CALD1: variants seen among roughly 807,000 people sequenced by gnomAD.
The protein encoded by CALD1 is caldesmon.
A neutral mutation model predicts 99.9 loss-of-function variants in CALD1; 33 were observed. That is an observed-to-expected ratio of 0.33 (90% CI 0.25 to 0.44). The LOEUF (loss-of-function observed/expected upper bound fraction) is 0.44, where lower values mean the gene tolerates loss of function less well. CALD1 is among the 20% of genes least tolerant of loss of function. The pLI, the probability that CALD1 is intolerant of heterozygous loss-of-function variation, is 1.00. For missense variants in CALD1, 861 were observed against 962.1 expected (o/e 0.89, Z 1.39); for synonymous variants, 310 against 325.0 (o/e 0.95, Z 0.50).
chr7:134,776,134 A>G (rs957986773), upstream of CALD1, among the ~76,000 whole-genome samples: 6 of 152,004 alleles, frequency 3.9e-5, no homozygotes, highest in African/African-American at 1.4e-4. Context: ...TTTTCTATTT[A>G]TTTGTCTTGG....
At chr7:134,895,554 C>T (rs1802515066) in intron 3 of CALD1, among the ~76,000 whole-genome samples, 1 of 152,038 alleles carries the variant, frequency 6.6e-6, no homozygotes. Flanking sequence ...TTTTAAATCT[C>T]TTCTAATACC....
Position 134,935,704 on chromosome 7 carries a change from C to T in CALD1, c.1325C>T (p.Thr442Ile). The T allele has an allele frequency of 6.2e-7, 1 of 1,605,266 alleles. No individual in the cohort carries two copies. Among genetic ancestry groups the T allele is most frequent in the Non-Finnish European group, 8.5e-7 (1 of 1,176,316 alleles). The stretch of plus-strand genomic sequence containing the variant: ...AATAAAAAGGGAGAAGAGAAGGGAA[C>T]TAAAGTGCAAGCTAAAAGAGAAAAG... ...VLKKQGEEKG[T>I]KVQAKREKLQ... Residue 442 changes from threonine (T) to isoleucine (I), a missense_variant, in exon 6 of 15, where the codon ACT becomes ATT. Coordinates refer to ENST00000361675, the MANE Select transcript of CALD1 (RefSeq NM_033138.4).
chr7:134,897,374 CAA>C (rs1491399690), intron 3 of CALD1, among the ~76,000 whole-genome samples: 2 of 147,404 alleles, frequency 1.4e-5, no homozygotes, highest in Non-Finnish European at 3.0e-5. Flanking sequence ...TACCTATATA[CAA>C]TATATATATA....
chr7:134,922,567 A>G (rs866820434), intron 3 of CALD1, among the ~76,000 whole-genome samples: 2 of 152,242 alleles, frequency 1.3e-5, no homozygotes, highest in Non-Finnish European at 2.9e-5. Flanking sequence ...CCAGTGTTGC[A>G]GAAGTTTTGA....
the CALD1 span, among the ~76,000 whole-genome samples, chr7:134,721,477 T>A: frequency 1.3e-5 from 2 of 152,142 alleles, no homozygotes; most frequent in African/African-American, 4.8e-5. Context: ...GTTTCTACTA[T>A]AGTAGAACAG....
chr7:134,827,444 A>G lies in CALD1; in HGVS notation c.-129-16440A>G, dbSNP rs142626392. Among the ~76,000 whole-genome samples, 85 of 152,348 alleles carry G rather than the reference A, an allele frequency of 5.6e-4. No individual in the cohort carries two copies. The East Asian group carries it at 0.015, about 27-fold the overall frequency. ...TCCATACCAGGTTCTATACTGTTAT[A>G]CACGTTACCCCATTTCCCTCTCACA... On this transcript the variant is annotated intron_variant, in intron 1 of 14. Coordinates refer to ENST00000361675, the MANE Select transcript of CALD1 (RefSeq NM_033138.4).
chr7:134,928,940 C>T (rs754107735), intron 4 of CALD1, 40 bp downstream of exon 4: 1 of 1,543,542 alleles, frequency 6.5e-7, no homozygotes, highest in Non-Finnish European at 8.8e-7. Flanking sequence ...TAACTTGCGT[C>T]TTAGCCTGTC....
rs532991338 is a variant in CALD1 at position 134,871,134 on chromosome 7, T to G, written c.71+3330T>G. ...GCCATTTTCTCTGGGGTATTGGTGGTCACTTTAATTTTTTTCTCGCTTTTG... is the reference window on the plus strand; with the variant it reads ...GCCATTTTCTCTGGGGTATTGGTGGGCACTTTAATTTTTTTCTCGCTTTTG... On this transcript the variant is annotated intron_variant, in intron 3 of 14. Coordinates refer to ENST00000361675, the MANE Select transcript of CALD1 (RefSeq NM_033138.4). Among the ~76,000 whole-genome samples the G allele has an allele frequency of 1.2e-4, 19 of 152,318 alleles. No individual in the cohort carries two copies. In the East Asian group the frequency reaches 3.1e-3, roughly 25 times the overall value.
intron 1 of CALD1, among the ~76,000 whole-genome samples, chr7:134,839,710 A>C (rs1364483682): frequency 6.6e-6 from 1 of 151,844 alleles, no homozygotes; most frequent in Non-Finnish European, 1.5e-5. Context: ...TTTTGTTTTG[A>C]GACAAGGTCT....
chr7:134,812,583 T>TAA (rs55688126), intron 1 of CALD1, among the ~76,000 whole-genome samples: 130 of 143,848 alleles, frequency 9.0e-4, no homozygotes, highest in South Asian at 3.1e-3. Flanking sequence ...AAAGAATAGT[T>TAA]AAAAAAAAAA....
chr7:134,943,270 C>T lies in CALD1; in HGVS notation c.1532+2033C>T, dbSNP rs777063071. Among the ~76,000 whole-genome samples the T allele has an allele frequency of 1.6e-3, 246 of 150,874 alleles. 2 individuals carry two copies. The highest frequency in any genetic ancestry group is 0.014 in the Middle Eastern group (4 of 294). On this transcript the variant is annotated intron_variant, in intron 7 of 14. Coordinates refer to ENST00000361675, the MANE Select transcript of CALD1 (RefSeq NM_033138.4). ...GGCCTGATACTCATCTTGACTTACACCTAAGGAAGCCAAGGACGGGGGTAG... is the reference window on the plus strand; with the variant it reads ...GGCCTGATACTCATCTTGACTTACATCTAAGGAAGCCAAGGACGGGGGTAG...
intron 6 of CALD1, among the ~76,000 whole-genome samples, chr7:134,936,169 A>G (rs1389052177): frequency 6.6e-6 from 1 of 152,210 alleles, no homozygotes; most frequent in Non-Finnish European, 1.5e-5. Context: ...AATATTTCCA[A>G]CTGGCCTTGA....
At chr7:134,927,047 T>C (rs1281611401) in intron 3 of CALD1, among the ~76,000 whole-genome samples, 2 of 152,158 alleles carry the variant, frequency 1.3e-5, no homozygotes, top group African/African-American at 4.8e-5. Flanking sequence ...AAAAAGCAGC[T>C]TCCTACACAA....
At chr7:134,954,381 G>A (rs1369665892) in intron 9 of CALD1, among the ~76,000 whole-genome samples, 3 of 152,116 alleles carry the variant, frequency 2.0e-5, no homozygotes, top group African/African-American at 4.8e-5. Flanking sequence ...AAGTTTTATC[G>A]AGACAATACT....
chr7:134,955,167 G>A (rs1470355894), intron 9 of CALD1, among the ~76,000 whole-genome samples: 6 of 152,190 alleles, frequency 3.9e-5, no homozygotes, highest in African/African-American at 1.4e-4. Context: ...CAAGGTGGGC[G>A]AATCATGAGG....
At chr7:134,913,976 C>G (rs1445007987) in intron 3 of CALD1, among the ~76,000 whole-genome samples, 3 of 152,170 alleles carry the variant, frequency 2.0e-5, no homozygotes, top group African/African-American at 7.2e-5. Flanking sequence ...AGACCTGGGT[C>G]AATCCTGATT....
At chr7:134,894,994 AG>A (rs1802457384) in intron 3 of CALD1, among the ~76,000 whole-genome samples, 1 of 152,024 alleles carries the variant, frequency 6.6e-6, no homozygotes, top group Non-Finnish European at 1.5e-5. Context: ...CAAACATGGA[AG>A]GGTATGTAAA....
rs544389896 is a variant in CALD1 at position 134,792,959 on chromosome 7, C to G, written c.-130+13210C>G. On this transcript the variant is annotated intron_variant, in intron 1 of 14. Coordinates refer to ENST00000361675, the MANE Select transcript of CALD1 (RefSeq NM_033138.4). ...GCCTTTCTCAATATGAAATTCTGAT[C>G]CCATTAAAAGTCAAAAGAGGTTTTC... 1.3e-4 allele frequency among the ~76,000 whole-genome samples: 20 copies of G among 152,364 alleles called. No homozygotes were observed. The South Asian group carries it at 3.9e-3, about 30-fold the overall frequency.
At chr7:134,807,782 C>T (rs1390127293) in intron 1 of CALD1, among the ~76,000 whole-genome samples, 1 of 152,164 alleles carries the variant, frequency 6.6e-6, no homozygotes, top group African/African-American at 2.4e-5. Context: ...TGCCCGCCAC[C>T]ATGCCCAGCT....
Sources: allele counts gnomAD v4.1 joint callset (sites outside exome capture counted in the v4.1 genomes callset), GRCh38; gene constraint gnomAD v4.1.1; transcripts MANE v1.5; gene names NCBI Gene and HGNC (gene_info 2026-07-23, HGNC 2026-07-21).